CHCHD3: variants seen among roughly 807,000 people sequenced by gnomAD.
CHCHD3 encodes the protein MICOS complex subunit MIC19.
Under a neutral mutation model 38.2 loss-of-function variants are expected in CHCHD3, and 20 were observed. The ratio of observed to expected loss-of-function variants is 0.52; its 90% CI spans 0.37 to 0.76. The LOEUF (loss-of-function observed/expected upper bound fraction) is 0.76. Ranked by LOEUF, CHCHD3 falls within the 30% of genes least tolerant of loss-of-function variation. The pLI is 0.00. For synonymous variants in CHCHD3, 82 were observed against 100.0 expected (o/e 0.82, Z 1.07); for missense variants, 245 against 279.2 (o/e 0.88, Z 0.87).
chr7:132,904,994 G>T (rs932908006), intron 4 of CHCHD3, among the ~76,000 whole-genome samples: 4 of 149,760 alleles, frequency 2.7e-5, no homozygotes, highest in African/African-American at 7.4e-5. Flanking sequence ...CTATCACAAG[G>T]ACAGAAAACC....
intron 6 of CHCHD3, among the ~76,000 whole-genome samples, chr7:132,807,017 G>A (rs1236990260): frequency 6.6e-6 from 1 of 152,204 alleles, no homozygotes; most frequent in Non-Finnish European, 1.5e-5. Flanking sequence ...GAGATGGGGA[G>A]GAGTGGAAGG....
At chr7:132,807,965 C>A (rs1806975970) in intron 6 of CHCHD3, among the ~76,000 whole-genome samples, 1 of 151,854 alleles carries the variant, frequency 6.6e-6, no homozygotes, top group Non-Finnish European at 1.5e-5. Context: ...AATGGTGATG[C>A]CATTTCCACA....
intron 5 of CHCHD3, among the ~76,000 whole-genome samples, chr7:132,870,220 C>T (rs994832289): frequency 7.2e-5 from 11 of 151,916 alleles, no homozygotes; most frequent in Admixed American, 5.9e-4. Context: ...TGTGATGGCA[C>T]GTGCATGTAG....
At chr7:132,913,000 C>A (rs1365586436) in intron 4 of CHCHD3, among the ~76,000 whole-genome samples, 1 of 152,204 alleles carries the variant, frequency 6.6e-6, no homozygotes, top group Non-Finnish European at 1.5e-5. Context: ...GCTCAGCAGC[C>A]CACATGCACT....
At chr7:132,789,709 A>T (rs1054474671) in intron 7 of CHCHD3, among the ~76,000 whole-genome samples, 4 of 152,136 alleles carry the variant, frequency 2.6e-5, no homozygotes, top group Non-Finnish European at 5.9e-5. Flanking sequence ...TGAAGAGAAG[A>T]AAAGCGGTTT....
chr7:132,944,535 C>CA (rs1295819521), intron 4 of CHCHD3, among the ~76,000 whole-genome samples: 1 of 150,736 alleles, frequency 6.6e-6, no homozygotes. Context: ...AAAAAATAGT[C>CA]ACAATACATT....
chr7:133,023,481 A>G (rs2117440290), intron 3 of CHCHD3, among the ~76,000 whole-genome samples: 1 of 152,340 alleles, frequency 6.6e-6, no homozygotes, highest in Non-Finnish European at 1.5e-5. Context: ...TTACCTCTAG[A>G]TCTCTCAAGC....
At chr7:133,060,718 G>C (rs1314204320) in intron 2 of CHCHD3, among the ~76,000 whole-genome samples, 2 of 152,136 alleles carry the variant, frequency 1.3e-5, no homozygotes, top group African/African-American at 4.8e-5. Context: ...AGACCAGCCT[G>C]GCCAACATGG....
chr7:133,046,563 A>AT (rs201921136), intron 2 of CHCHD3, among the ~76,000 whole-genome samples: 35 of 114,356 alleles, frequency 3.1e-4, no homozygotes, highest in African/African-American at 3.8e-4. Flanking sequence ...AATGCTATGT[A>AT]TTTTTTTGGG....
chr7:132,841,411 A>C lies in CHCHD3; in HGVS notation c.454-2942T>G, dbSNP rs575157327. 5.8e-3 allele frequency among the ~76,000 whole-genome samples: 839 copies of C among 145,484 alleles called. 2 individuals carry two copies. The highest frequency in any genetic ancestry group is 7.3e-3 in the African/African-American group (294 of 40,136). ...TGGACAGAACTCATTCAAAAAAAAA[A>C]AAACAAACAACAACAACAAAAAAAA... On this transcript the variant is annotated intron_variant, in intron 5 of 7. Coordinates refer to ENST00000262570, the MANE Select transcript of CHCHD3 (RefSeq NM_017812.4).
intron 5 of CHCHD3, among the ~76,000 whole-genome samples, chr7:132,864,344 C>A (rs371219618): frequency 6.6e-6 from 1 of 152,092 alleles, no homozygotes; most frequent in African/African-American, 2.4e-5. Context: ...AGAACACACA[C>A]GTAACAGTTA....
chr7:132,971,245 A>G (rs530260675), intron 4 of CHCHD3, among the ~76,000 whole-genome samples: 1 of 152,310 alleles, frequency 6.6e-6, no homozygotes, highest in East Asian at 1.9e-4. Context: ...CCTAAGAAGC[A>G]TATTTTGAAC....
At position 132,963,155 on chromosome 7, in the gene CHCHD3, AAT is replaced by A. The variant is rs1305933173; in HGVS notation, c.369+12012_369+12013del. On this transcript the variant is annotated intron_variant, in intron 4 of 7. Coordinates refer to ENST00000262570, the MANE Select transcript of CHCHD3 (RefSeq NM_017812.4). ...ATCCCCTCCCCCAAATAAAAAAAAA[AAT>A]ATATATATATATAATATATGTAGGC... 4.0e-4 allele frequency among the ~76,000 whole-genome samples: 58 copies of A among 145,906 alleles called. 1 individual carries two copies. Among genetic ancestry groups the A allele is most frequent in the South Asian group, 3.9e-3 (18 of 4,650 alleles).
At chr7:132,792,282 A>G (rs1444798013) in intron 7 of CHCHD3, among the ~76,000 whole-genome samples, 1 of 152,088 alleles carries the variant, frequency 6.6e-6, no homozygotes, top group Non-Finnish European at 1.5e-5. Context: ...TGCATTTTCT[A>G]ATGGCCTTTA....
intron 3 of CHCHD3, among the ~76,000 whole-genome samples, chr7:133,005,812 C>T (rs1384889500): frequency 6.6e-6 from 1 of 152,166 alleles, no homozygotes. Flanking sequence ...TCTTATGGCA[C>T]AATTATACAT....
chr7:133,060,987 C>A (rs1259851896), intron 2 of CHCHD3, among the ~76,000 whole-genome samples: 3 of 152,080 alleles, frequency 2.0e-5, no homozygotes, highest in African/African-American at 7.3e-5. Flanking sequence ...AAGTTCAACA[C>A]AACAGACAAA....
chr7:132,975,445 T>C (rs934531997), intron 3 of CHCHD3, among the ~76,000 whole-genome samples, 159 bp from the exon 4 acceptor site: 1 of 152,070 alleles, frequency 6.6e-6, no homozygotes, highest in Non-Finnish European at 1.5e-5. Flanking sequence ...GGTATAGAGG[T>C]AAATCCCCAT....
At chr7:133,028,963 C>T (rs965826232) in intron 2 of CHCHD3, among the ~76,000 whole-genome samples, 2 of 151,956 alleles carry the variant, frequency 1.3e-5, no homozygotes, top group African/African-American at 2.4e-5. Flanking sequence ...CCACGTGATG[C>T]CCCGCATGAC....
intron 6 of CHCHD3, among the ~76,000 whole-genome samples, chr7:132,837,706 C>T (rs1323560589): frequency 1.3e-5 from 2 of 152,122 alleles, no homozygotes; most frequent in African/African-American, 4.8e-5. Context: ...TTTTGCTTCA[C>T]TAATTTGCGC....
Sources: allele counts gnomAD v4.1 joint callset (sites outside exome capture counted in the v4.1 genomes callset), GRCh38; gene constraint gnomAD v4.1.1; transcripts MANE v1.5; gene names NCBI Gene and HGNC (gene_info 2026-07-23, HGNC 2026-07-21).